Variants in OSBPL10 observed in about 807,000 individuals in gnomAD.
OSBPL10 encodes the protein oxysterol binding protein like 10, also known as oxysterol-binding protein-related protein 10.
Under a neutral mutation model 81.7 loss-of-function variants are expected in OSBPL10, and 49 were observed. The ratio of observed to expected loss-of-function variants is 0.60; its 90% confidence interval spans 0.48 to 0.76. The LOEUF (loss-of-function observed/expected upper bound fraction) is 0.76, where lower values mean the gene tolerates loss of function less well. Among genes scored for constraint, OSBPL10 ranks in the 30% least tolerant of loss-of-function variants. The pLI is 0.00. For missense variants in OSBPL10, 923 were observed against 987.8 expected (o/e 0.93, Z 0.88); for synonymous variants, 419 against 383.6 (o/e 1.09, Z -1.08).
intron 1 of OSBPL10, among the ~76,000 whole-genome samples, chr3:31,928,754 CTT>C: frequency 8.8e-6 from 1 of 113,162 alleles, no homozygotes; most frequent in Middle Eastern, 4.7e-3. Flanking sequence ...GACAGTGAGA[CTT>C]GTCTCCAAAA....
At chr3:31,940,786 G>C (rs1297831261) in intron 1 of OSBPL10, among the ~76,000 whole-genome samples, 1 of 152,070 alleles carries the variant, frequency 6.6e-6, no homozygotes, top group Non-Finnish European at 1.5e-5. Context: ...CTGCCAGGAA[G>C]TCTTCCCAAT....
At chr3:31,706,950 C>T (rs961502314) in intron 6 of OSBPL10, among the ~76,000 whole-genome samples, 1 of 152,112 alleles carries the variant, frequency 6.6e-6, no homozygotes, top group African/African-American at 2.4e-5. Context: ...GACTCCCACC[C>T]CACCCCACCC....
At chr3:32,049,276 G>A (rs527703708) in intron 1 of OSBPL10, among the ~76,000 whole-genome samples, 9 of 152,052 alleles carry the variant, frequency 5.9e-5, no homozygotes, top group Non-Finnish European at 1.3e-4. Context: ...GTCCAAAAAC[G>A]CCCTCTTGGG....
intron 1 of OSBPL10, among the ~76,000 whole-genome samples, chr3:32,048,630 A>T (rs1020475833): frequency 5.3e-5 from 8 of 152,102 alleles, no homozygotes; most frequent in African/African-American, 1.9e-4. Context: ...ATTACTATAG[A>T]CTAGCTGTTT....
chr3:31,774,954 G>GTC (rs1477437880), intron 4 of OSBPL10, among the ~76,000 whole-genome samples: 1 of 151,308 alleles, frequency 6.6e-6, no homozygotes, highest in African/African-American at 2.4e-5. Context: ...ATCACCTGAG[G>GTC]TCAGGAGTTC....
intron 6 of OSBPL10, among the ~76,000 whole-genome samples, chr3:31,728,261 A>C (rs1184875706): frequency 6.6e-5 from 10 of 152,204 alleles, no homozygotes; most frequent in Non-Finnish European, 8.8e-5. Context: ...CAGATGACTA[A>C]CTAGGCAAAG....
upstream of OSBPL10, among the ~76,000 whole-genome samples, chr3:31,982,143 GAA>G (rs1319465463): frequency 1.3e-5 from 2 of 152,164 alleles, no homozygotes; most frequent in African/African-American, 4.8e-5. Flanking sequence ...CAGAGGCTCT[GAA>G]ACCGGGAAAA....
intron 7 of OSBPL10, among the ~76,000 whole-genome samples, chr3:31,689,321 A>G (rs867143217): frequency 1.4e-4 from 22 of 152,316 alleles, no homozygotes; most frequent in African/African-American, 5.1e-4. Flanking sequence ...AAAAATGGCC[A>G]TAAAGGACAT....
At chr3:31,675,510 T>A (rs1180691158) in intron 8 of OSBPL10, among the ~76,000 whole-genome samples, 3 of 152,172 alleles carry the variant, frequency 2.0e-5, no homozygotes, top group East Asian at 3.9e-4. Context: ...ATGGCTGTCG[T>A]AAAGATGGAG....
At position 31,718,311 on chromosome 3, in the gene OSBPL10, T is replaced by A. The variant is rs796488528; in HGVS notation, c.1095+14946A>T. 25 of 152,308 alleles carry A rather than the reference T, an allele frequency of 1.6e-4. 2 individuals are homozygous for A. The highest frequency in any genetic ancestry group is 5.3e-4 in the African/African-American group (22 of 41,532). 9.4% of individuals were successfully genotyped at this position (152,308 alleles called of 1,614,324 possible). ...CCCAGCTAATTTTTTGTATTTTTAG[T>A]AGAGACAGGGTTTCACTGTGTTAGC... On this transcript the variant is annotated intron_variant, in intron 6 of 11. Coordinates refer to ENST00000396556, the MANE Select transcript of OSBPL10 (RefSeq NM_017784.5).
At chr3:31,666,005 G>A (rs1700181239) in intron 10 of OSBPL10, among the ~76,000 whole-genome samples, 1 of 152,164 alleles carries the variant, frequency 6.6e-6, no homozygotes, top group African/African-American at 2.4e-5. Context: ...CTTGAGAGCA[G>A]GGAGGAGAAT....
chr3:31,879,369 T>C (rs1575596403), intron 2 of OSBPL10: 1 of 317,234 alleles, frequency 3.2e-6, no homozygotes, highest in Non-Finnish European at 5.8e-6. Context: ...AAAGAGAATA[T>C]ACTGAGCTAA....
intron 4 of OSBPL10, among the ~76,000 whole-genome samples, chr3:31,824,464 G>A (rs940090001): frequency 3.9e-5 from 6 of 152,168 alleles, no homozygotes; most frequent in African/African-American, 1.2e-4. Flanking sequence ...GGTCCAAATC[G>A]TTCTTCAACG....
At chr3:31,938,753 T>G (rs1697453428) in intron 1 of OSBPL10, among the ~76,000 whole-genome samples, 1 of 152,038 alleles carries the variant, frequency 6.6e-6, no homozygotes, top group Non-Finnish European at 1.5e-5. Context: ...CTCAGCCTCC[T>G]AAAGTGCTGA....
chr3:31,676,392 A>G (rs1553612668), intron 8 of OSBPL10, among the ~76,000 whole-genome samples: 1 of 144,446 alleles, frequency 6.9e-6, no homozygotes, highest in Admixed American at 6.7e-5. Flanking sequence ...AGCTAAGAGA[A>G]GCCAAAAAAA....
At chr3:31,745,391 G>C (rs1172912602) in intron 5 of OSBPL10, among the ~76,000 whole-genome samples, 3 of 152,176 alleles carry the variant, frequency 2.0e-5, no homozygotes, top group African/African-American at 7.2e-5. Context: ...ATAAGGAAAA[G>C]GTGAAGCAAA....
intron 2 of OSBPL10, among the ~76,000 whole-genome samples, chr3:32,039,288 T>C (rs891569706): frequency 1.3e-4 from 20 of 151,186 alleles, no homozygotes; most frequent in Non-Finnish European, 2.1e-4. Flanking sequence ...ACCATGCCAC[T>C]GCACTCCAGC....
chr3:32,073,893 C>T (rs1195896150), intron 1 of OSBPL10, among the ~76,000 whole-genome samples: 1 of 152,170 alleles, frequency 6.6e-6, no homozygotes, highest in Non-Finnish European at 1.5e-5. Flanking sequence ...CCCTCCAATA[C>T]TTCCGCCCTG....
intron 2 of OSBPL10, among the ~76,000 whole-genome samples, chr3:32,003,751 G>A (rs908585966): frequency 3.3e-5 from 5 of 152,200 alleles, no homozygotes; most frequent in African/African-American, 1.2e-4. Flanking sequence ...GCAGGGCACT[G>A]CAGTGTGTGG....
Sources: allele counts gnomAD v4.1 joint callset (sites outside exome capture counted in the v4.1 genomes callset), GRCh38; gene constraint gnomAD v4.1.1; transcripts MANE v1.5; gene names NCBI Gene and HGNC (gene_info 2026-07-23, HGNC 2026-07-21).